TANGO6: variants seen among roughly 807,000 people sequenced by gnomAD.
TANGO6 encodes transport and Golgi organization protein 6 homolog.
In TANGO6, 90 loss-of-function variants were observed where a neutral mutation model predicts 114.2. The observed-to-expected ratio is 0.79, with a 90% CI of 0.66 to 0.94. The LOEUF is 0.94. Ranked by LOEUF, TANGO6 falls within the 40% of genes least tolerant of loss-of-function variation. The pLI is 0.00. For missense variants in TANGO6, 1,274 were observed against 1,315.3 expected, an observed-to-expected ratio of 0.97 and a Z score of 0.49; for synonymous variants, 477 against 509.8, an observed-to-expected ratio of 0.94 and a Z score of 0.87.
At chr16:68,906,065 A>G (rs1962845967) in intron 9 of TANGO6, among the ~76,000 whole-genome samples, 2 of 152,048 alleles carry the variant, frequency 1.3e-5, no homozygotes, top group Non-Finnish European at 2.9e-5. Context: ...CTGTAATCCC[A>G]GCTACTCAGG....
chr16:68,863,355 C>G (rs1299750904), intron 3 of TANGO6, among the ~76,000 whole-genome samples: 1 of 152,138 alleles, frequency 6.6e-6, no homozygotes, highest in Non-Finnish European at 1.5e-5. Context: ...CGCCTGTAAT[C>G]CCAGCACTTT....
At position 69,084,242 on chromosome 16, in the gene TANGO6, G is replaced by A. The variant is rs1960507126; in HGVS notation, c.*581G>A. On this transcript the variant is annotated 3_prime_UTR_variant, in exon 18 of 18. Transcript: ENST00000261778. ...ACAGGGCTAAATCTGGTCCTCTGGT[G>A]TCGAGATGGAAAACTGTGGAGTTGA... 6.6e-6 allele frequency: 1 copy of A among 152,372 alleles called. No individual in the cohort carries two copies. The highest frequency in any genetic ancestry group is 2.4e-5 in the African/African-American group (1 of 41,428). 9.4% of individuals were successfully genotyped at this position (152,372 alleles called of 1,614,324 possible). A position where few individuals can be genotyped will look rare whatever the true frequency, so the allele number is the denominator to read the frequency against.
intron 11 of TANGO6, among the ~76,000 whole-genome samples, chr16:68,910,804 G>A (rs1030340521): frequency 4.6e-5 from 7 of 152,074 alleles, no homozygotes; most frequent in African/African-American, 1.4e-4. Flanking sequence ...GGCCTCCCAA[G>A]GAGCTGGGAT....
intron 14 of TANGO6, among the ~76,000 whole-genome samples, chr16:68,951,246 C>T (rs923410117): frequency 2.1e-4 from 32 of 150,960 alleles, no homozygotes; most frequent in African/African-American, 7.1e-4. Context: ...TCACTTGAGC[C>T]CAAGAGGTCA....
intron 9 of TANGO6, among the ~76,000 whole-genome samples, chr16:68,907,077 G>C (rs1004165674): frequency 6.7e-6 from 1 of 149,664 alleles, no homozygotes; most frequent in Non-Finnish European, 1.5e-5. Context: ...TTACAGGTGT[G>C]AGCCACCTCA....
chr16:69,031,552 AT>A (rs1567562210), intron 16 of TANGO6, among the ~76,000 whole-genome samples: 1 of 151,986 alleles, frequency 6.6e-6, no homozygotes, highest in African/African-American at 2.4e-5. Context: ...AAGTACAAAA[AT>A]TAGCCAGGTG....
At chr16:68,850,947 C>G (rs1961892940) in intron 1 of TANGO6, among the ~76,000 whole-genome samples, 1 of 152,056 alleles carries the variant, frequency 6.6e-6, no homozygotes, top group Non-Finnish European at 1.5e-5. Flanking sequence ...CTGTTGTGCT[C>G]TAAAACTAAT....
chr16:68,972,641 G>C (rs1963718556), intron 14 of TANGO6, among the ~76,000 whole-genome samples: 1 of 152,010 alleles, frequency 6.6e-6, no homozygotes, highest in African/African-American at 2.4e-5. Context: ...CTAGGCATTG[G>C]GGATACAGCA....
intron 15 of TANGO6, among the ~76,000 whole-genome samples, chr16:68,977,811 G>A (rs976489093): frequency 1.1e-4 from 16 of 150,818 alleles, no homozygotes; most frequent in African/African-American, 3.6e-4. Context: ...TCAGCCTCCC[G>A]AGTAGCTGGG....
chr16:69,067,248 C>T (rs1960226254), intron 17 of TANGO6, among the ~76,000 whole-genome samples: 1 of 152,084 alleles, frequency 6.6e-6, no homozygotes. Context: ...GTGGCTCATG[C>T]CTGTTATCCC....
At chr16:68,881,095 C>A (rs1401954896) in intron 7 of TANGO6, among the ~76,000 whole-genome samples, 2 of 152,180 alleles carry the variant, frequency 1.3e-5, no homozygotes, top group Non-Finnish European at 2.9e-5. Flanking sequence ...GGCAAGCTGA[C>A]CTTTTTAAGT....
At chr16:69,043,891 G>A (rs553483292) in intron 17 of TANGO6, among the ~76,000 whole-genome samples, 42 of 152,292 alleles carry the variant, frequency 2.8e-4, no homozygotes, top group African/African-American at 8.2e-4. Flanking sequence ...TCAGCCAAGG[G>A]CCTCTGTGGT....
At chr16:68,944,893 G>A (rs764929452) in intron 14 of TANGO6, among the ~76,000 whole-genome samples, 17 of 152,306 alleles carry the variant, frequency 1.1e-4, no homozygotes, top group South Asian at 8.3e-4. Context: ...AGGTTTGGCC[G>A]GGCACGGTGG....
chr16:68,965,981 C>T (rs1197507796), intron 14 of TANGO6, among the ~76,000 whole-genome samples: 2 of 152,104 alleles, frequency 1.3e-5, no homozygotes, highest in African/African-American at 4.8e-5. Context: ...CCTGTAATCC[C>T]AATATTTTGG....
intron 17 of TANGO6, among the ~76,000 whole-genome samples, chr16:69,047,633 GAATAT>G (rs1283039153): frequency 1.3e-5 from 2 of 152,118 alleles, no homozygotes; most frequent in Non-Finnish European, 2.9e-5. Context: ...AACGAGAATT[GAATAT>G]ATATACAATT....
chr16:68,874,924 T>A (rs1294551650), intron 4 of TANGO6, among the ~76,000 whole-genome samples: 1 of 151,976 alleles, frequency 6.6e-6, no homozygotes, highest in African/African-American at 2.4e-5. Context: ...CATTCCAGCC[T>A]GGGTGACAGA....
At chr16:68,891,292 C>CA (rs534661540) in intron 7 of TANGO6, among the ~76,000 whole-genome samples, 14,602 of 84,684 alleles carry the variant, frequency 0.17, 995 homozygotes, top group South Asian at 0.22. Context: ...AACTCCATCT[C>CA]AAAAAAAAAA....
chr16:68,923,023 C>A (rs1211231560), intron 12 of TANGO6, among the ~76,000 whole-genome samples: 1 of 147,870 alleles, frequency 6.8e-6, no homozygotes, highest in Non-Finnish European at 1.5e-5. Context: ...TCTCGGCTCA[C>A]CGCAACCTCC....
chr16:68,862,565 AC>A (rs1251589847), intron 2 of TANGO6, among the ~76,000 whole-genome samples: 6 of 152,180 alleles, frequency 3.9e-5, no homozygotes, highest in Non-Finnish European at 2.9e-5. Flanking sequence ...GCACTGGAAA[AC>A]TGCAGCACCT....
Sources: gnomAD v4.1 joint callset for allele counts (sites outside exome capture counted in the v4.1 genomes callset) on GRCh38, gnomAD v4.1.1 for gene constraint, MANE v1.5 for transcripts, NCBI Gene and HGNC (gene_info 2026-07-23, HGNC 2026-07-21) for gene names.